DNM3: variants seen among roughly 807,000 people sequenced by gnomAD.
DNM3 encodes dynamin 3.
A neutral mutation model predicts 101.6 loss-of-function variants in DNM3; 47 were observed. The ratio of observed to expected loss-of-function variants is 0.46; its 90% CI spans 0.37 to 0.59. The LOEUF (loss-of-function observed/expected upper bound fraction) is 0.59. Ranked by LOEUF, DNM3 falls within the 20% of genes least tolerant of loss-of-function variation. DNM3 has a pLI of 0.00. For synonymous variants in DNM3, 385 were observed against 387.9 expected (o/e 0.99, Z 0.09); for missense variants, 849 against 1,085.7 (o/e 0.78, Z 3.06).
intron 4 of DNM3, among the ~76,000 whole-genome samples, chr1:171,994,713 CTTTCT>C (rs2045875659): frequency 7.6e-6 from 1 of 131,302 alleles, no homozygotes. Flanking sequence ...TTTTTTCTTT[CTTTCT>C]TTTTTTTTTT....
chr1:171,843,845 A>G (rs1021891153), intron 1 of DNM3, among the ~76,000 whole-genome samples: 1 of 152,220 alleles, frequency 6.6e-6, no homozygotes, highest in Admixed American at 6.5e-5. Context: ...GGAATAAAAA[A>G]TAGGGACAAG....
At chr1:172,003,144 T>G (rs1276928029) in intron 4 of DNM3, among the ~76,000 whole-genome samples, 1 of 152,048 alleles carries the variant, frequency 6.6e-6, no homozygotes, top group African/African-American at 2.4e-5. Flanking sequence ...GAAATTCTCT[T>G]TATATTAATA....
intron 4 of DNM3, among the ~76,000 whole-genome samples, chr1:172,005,184 T>C (rs2046605410): frequency 6.6e-6 from 1 of 152,044 alleles, no homozygotes; most frequent in South Asian, 2.1e-4. Context: ...CTCTGTAAAA[T>C]GGAATAATAA....
rs5778730 is a variant in DNM3, at chr1:172,350,316, T to TTG, written c.1893+27004_1893+27005dup. Reference sequence around the variant, plus strand: ...ATTTTTCATACCCTTCCATTTTATCTTGTGTGTGTGTGTGTGTGTGTGTGT... The same window carrying TTG: ...ATTTTTCATACCCTTCCATTTTATCTTGTGTGTGTGTGTGTGTGTGTGTGTGT... On this transcript the variant is annotated intron_variant, in intron 17 of 20. Transcript: ENST00000627582. Among the ~76,000 whole-genome samples, 203 of 148,142 alleles carry TTG rather than the reference T, an allele frequency of 1.4e-3. 1 individual carries two copies. The highest frequency in any genetic ancestry group is 4.8e-3 in the South Asian group (22 of 4,618).
chr1:172,359,994 G>A (rs547110461), intron 17 of DNM3, among the ~76,000 whole-genome samples: 1 of 151,740 alleles, frequency 6.6e-6, no homozygotes, highest in Non-Finnish European at 1.5e-5. Flanking sequence ...TGACCTTGGA[G>A]GAAAAAAATG....
chr1:172,031,959 A>G (rs936317935), intron 4 of DNM3, among the ~76,000 whole-genome samples: 1 of 152,186 alleles, frequency 6.6e-6, no homozygotes, highest in African/African-American at 2.4e-5. Flanking sequence ...CTGGATCAAT[A>G]GTAATCCTTG....
At chr1:172,328,293 G>T (rs957845010) in intron 17 of DNM3, among the ~76,000 whole-genome samples, 11 of 152,228 alleles carry the variant, frequency 7.2e-5, no homozygotes, top group African/African-American at 2.4e-4. Flanking sequence ...TCCCAATATT[G>T]TAGACATCTC....
intron 14 of DNM3, among the ~76,000 whole-genome samples, chr1:172,132,523 T>C (rs1160591170): frequency 6.6e-6 from 1 of 152,190 alleles, no homozygotes; most frequent in Non-Finnish European, 1.5e-5. Context: ...AGTTTTAACA[T>C]AGTTTGAGGA....
At chr1:172,373,258 T>C (rs2068439512) in intron 17 of DNM3, among the ~76,000 whole-genome samples, 1 of 152,140 alleles carries the variant, frequency 6.6e-6, no homozygotes, top group South Asian at 2.1e-4. Context: ...TGTCACCTTA[T>C]TGCTTTGTAA....
At chr1:171,961,166 A>G (rs2043186085) in intron 2 of DNM3, among the ~76,000 whole-genome samples, 1 of 152,106 alleles carries the variant, frequency 6.6e-6, no homozygotes, top group African/African-American at 2.4e-5. Flanking sequence ...GGATTTTATA[A>G]GATGGATGCG....
At chr1:171,946,775 G>A (rs1265913672) in intron 2 of DNM3, among the ~76,000 whole-genome samples, 1 of 152,148 alleles carries the variant, frequency 6.6e-6, no homozygotes, top group Non-Finnish European at 1.5e-5. Flanking sequence ...AGAAAATGAA[G>A]GGGAGCCAGC....
intron 14 of DNM3, among the ~76,000 whole-genome samples, chr1:172,158,777 G>A (rs897942288): frequency 1.3e-5 from 2 of 152,012 alleles, no homozygotes; most frequent in African/African-American, 4.8e-5. Context: ...ATGTAAAATA[G>A]AGAAAAAGTT....
chr1:172,174,089 A>C (rs2059067245), intron 14 of DNM3, among the ~76,000 whole-genome samples: 1 of 151,638 alleles, frequency 6.6e-6, no homozygotes, highest in African/African-American at 2.4e-5. Flanking sequence ...AATAAGAAAA[A>C]CTAGCTCTGT....
At chr1:171,884,884 G>A (rs1451121598) in intron 1 of DNM3, among the ~76,000 whole-genome samples, 2 of 152,210 alleles carry the variant, frequency 1.3e-5, no homozygotes, top group East Asian at 3.8e-4. Flanking sequence ...TTGTGTGAGA[G>A]CACTACAAAA....
At chr1:172,012,322 T>C (rs973992604) in intron 4 of DNM3, among the ~76,000 whole-genome samples, 1 of 152,044 alleles carries the variant, frequency 6.6e-6, no homozygotes, top group African/African-American at 2.4e-5. Flanking sequence ...GGAAGTTATA[T>C]GGACCAACTC....
At chr1:171,869,635 A>G (rs569773775) in intron 1 of DNM3, among the ~76,000 whole-genome samples, 54 of 152,308 alleles carry the variant, frequency 3.5e-4, no homozygotes, top group African/African-American at 1.2e-3. Context: ...TTAATTACAA[A>G]TGGATTCGTG....
At chr1:172,202,093 G>T (rs1237263591) in intron 14 of DNM3, among the ~76,000 whole-genome samples, 1 of 152,192 alleles carries the variant, frequency 6.6e-6, no homozygotes. Flanking sequence ...GTGAGTACCT[G>T]GATGTTTCAG....
intron 2 of DNM3, among the ~76,000 whole-genome samples, chr1:171,923,247 C>T (rs896703613): frequency 1.4e-4 from 21 of 152,236 alleles, no homozygotes; most frequent in Middle Eastern, 6.8e-3. Context: ...TTTTGACTTG[C>T]GTTTTCCTAA....
intron 15 of DNM3, among the ~76,000 whole-genome samples, chr1:172,274,723 GTT>G (rs375210621): frequency 8.6e-6 from 1 of 116,932 alleles, no homozygotes; most frequent in Non-Finnish European, 1.9e-5. Context: ...TCTAGTGAAG[GTT>G]TTTTTTTTTT....
Sources: allele counts gnomAD v4.1 joint callset (sites outside exome capture counted in the v4.1 genomes callset), GRCh38; gene constraint gnomAD v4.1.1; transcripts MANE v1.5; gene names NCBI Gene and HGNC (gene_info 2026-07-23, HGNC 2026-07-21).